Variants in CCT5 observed in about 807,000 individuals in gnomAD.
The protein encoded by CCT5 is chaperonin containing TCP1 subunit 5.
CCT5 carries 6 observed loss-of-function variants against 55.0 expected under a neutral mutation model. The observed-to-expected ratio is 0.11, with a 90% CI of 0.06 to 0.22. CCT5 has a LOEUF of 0.22. Among genes scored for constraint, CCT5 ranks in the 10% least tolerant of loss-of-function variants. The probability of loss-of-function intolerance (pLI) is 1.00; values close to 1 mark genes in which losing one functional copy is unlikely to be tolerated. For missense variants in CCT5, 560 were observed against 694.6 expected, an observed-to-expected ratio of 0.81 and a Z score of 2.18; for synonymous variants, 231 against 243.7, an observed-to-expected ratio of 0.95 and a Z score of 0.49.
intron 7 of CCT5, 197 bp downstream of exon 7, chr5:10,261,108 T>C: frequency 3.0e-6 from 2 of 667,392 alleles, no homozygotes; most frequent in Non-Finnish European, 5.4e-6. Flanking sequence ...TGGTGTTCCC[T>C]GGCATTTTGA....
chr5:10,256,146 T>C lies in CCT5; in HGVS notation c.523T>C (p.Ser175Pro). 6.2e-7 allele frequency: 1 copy of C among 1,612,966 alleles called. No individual in the cohort carries two copies. The highest frequency in any genetic ancestry group is 8.5e-7 in the Non-Finnish European group (1 of 1,179,628). Residue 175 changes from serine to proline, a missense_variant, in exon 4 of 11, where the codon TCC (serine) becomes CCC (proline). By Grantham distance (74) the Ser-to-Pro change is moderately conservative. Around this residue, in one of 4 missense-constraint regions of CCT5, gnomAD observed 256 missense variants for 372.4 expected, o/e 0.69. Transcript: ENST00000280326. ...LIQTAKTTLG[S>P]KVVNSCHRQM... is the part of the protein sequence containing the mutation. The stretch of plus-strand genomic sequence containing the variant: ...TCAGACAGCAAAAACCACGCTGGGC[T>C]CCAAAGTGTACGTTTCAGTAGATGA...
chr5:10,253,095 G>A (rs1319804537), intron 1 of CCT5, among the ~76,000 whole-genome samples: 1 of 152,198 alleles, frequency 6.6e-6, no homozygotes, highest in African/African-American at 2.4e-5. Context: ...GGCAGCCAAG[G>A]CAGGTGGATC....
Position 10,264,774 on chromosome 5 carries a change from TGAA to T in CCT5, c.1621_1623del (p.Glu541del). On this transcript the variant is annotated inframe_deletion, in exon 11 of 11. Coordinates refer to ENST00000280326, the MANE Select transcript of CCT5 (RefSeq NM_012073.5). Reference sequence around the variant, plus strand: ...ATGACATTCGTAAGCCTGGAGAATCTGAAGAATGAAGACATTGAGAAAACTATG... The same window carrying T: ...ATGACATTCGTAAGCCTGGAGAATCTGAATGAAGACATTGAGAAAACTATG... 1.9e-6 allele frequency: 3 copies of T among 1,610,724 alleles called. No individual in the cohort carries two copies. In the South Asian group the frequency reaches 3.3e-5, roughly 18 times the overall value.
At chr5:10,252,908 C>A (rs1181192466) in intron 1 of CCT5, among the ~76,000 whole-genome samples, 1 of 151,798 alleles carries the variant, frequency 6.6e-6, no homozygotes, top group African/African-American at 2.4e-5. Flanking sequence ...TTCTTTCTGC[C>A]TCTTGCTTTC....
At position 10,265,185 on chromosome 5, in the gene CCT5, C is replaced by T. The variant is rs910866970; in HGVS notation, c.*402C>T. 17 of 217,194 alleles carry T rather than the reference C, an allele frequency of 7.8e-5. No homozygotes were observed. The highest frequency in any genetic ancestry group is 3.8e-4 in the African/African-American group (16 of 42,356). 13.5% of individuals were successfully genotyped at this position (217,194 alleles called of 1,614,324 possible). On this transcript the variant is annotated 3_prime_UTR_variant, in exon 11 of 11. Coordinates refer to ENST00000280326, the MANE Select transcript of CCT5 (RefSeq NM_012073.5). ...ACTTTCATATTGAGAGGAATATGGG[C>T]TTGATCCTCTTCCTATCTAAATGGG...
In CCT5 at chr5:10,265,590, A is replaced by C. The variant is rs919630812; in HGVS notation, c.*807A>C. On this transcript the variant is annotated 3_prime_UTR_variant, in exon 11 of 11. Transcript: ENST00000280326. ...ATTAACTAGCTAACAGTGATGGGCC[A>C]AGACGCTCCGAGAACTCTACCGGGA... 6.6e-6 allele frequency: 1 copy of C among 152,218 alleles called. No homozygotes were observed. Among genetic ancestry groups the C allele is most frequent in the African/African-American group, 2.4e-5 (1 of 41,446 alleles). The allele number at this position is 152,218 out of a possible 1,614,324, so 9.4% of individuals were successfully genotyped here.
chr5:10,262,693 G>A (rs1483011812), intron 9 of CCT5, 75 bp downstream of exon 9: 22 of 1,524,262 alleles, frequency 1.4e-5, no homozygotes, highest in African/African-American at 8.2e-5. Context: ...GCGGAACAGC[G>A]AGGTGCTGGA....
intron 6 of CCT5, among the ~76,000 whole-genome samples, chr5:10,259,593 G>A (rs1166121082): frequency 6.6e-6 from 1 of 152,228 alleles, no homozygotes; most frequent in Non-Finnish European, 1.5e-5. Flanking sequence ...CCAACATAGG[G>A]TGAGAGCAGT....
chr5:10,255,121 G>A (rs1349020384), intron 3 of CCT5: 1 of 429,684 alleles, frequency 2.3e-6, no homozygotes, highest in Non-Finnish European at 4.4e-6. Flanking sequence ...GGGAAACGTG[G>A]AAGAATTTGA....
In CCT5 at chr5:10,262,524, T is replaced by A. The variant is rs1349631169; in HGVS notation, c.1223T>A (p.Val408Asp). Residue 408 changes from valine to aspartate, a missense_variant, in exon 9 of 11, where the codon GTC becomes GAC. By Grantham distance (152) the Val-to-Asp change is radical. Around this residue, in one of 4 missense-constraint regions of CCT5, gnomAD observed 256 missense variants for 372.4 expected, o/e 0.69. Transcript: ENST00000280326. ...CGATCCCTTCACGATGCTTTGTGTG[T>A]CATCCGGAACCTCATCCGCGATAAT... ...AKRSLHDALC[V>D]IRNLIRDNRV... 2 of 1,614,118 alleles carry A rather than the reference T, an allele frequency of 1.2e-6. No individual in the cohort carries two copies. Among genetic ancestry groups the A allele is most frequent in the East Asian group, 4.5e-5 (2 of 44,904 alleles).
At chr5:10,262,416 A>G in intron 8 of CCT5, 65 bp from the exon 9 acceptor site, 4 of 1,579,234 alleles carry the variant, frequency 2.5e-6, no homozygotes, top group Non-Finnish European at 3.5e-6. Flanking sequence ...AAAAGGTGCC[A>G]GATACTTGGC....
At position 10,264,637 on chromosome 5, in the gene CCT5, G is replaced by C; in HGVS notation, c.1499-19G>C. The C allele has an allele frequency of 6.7e-7, 1 of 1,500,612 alleles. No homozygotes were observed. The highest frequency in any genetic ancestry group is 9.3e-7 in the Non-Finnish European group (1 of 1,076,908). 93.0% of individuals were successfully genotyped at this position (1,500,612 alleles called of 1,614,324 possible). On this transcript the variant is annotated intron_variant, in intron 10 of 10. Coordinates refer to ENST00000280326, the MANE Select transcript of CCT5 (RefSeq NM_012073.5). ...ATTGTATGCTATTTTAGGATAATCA[G>C]TGTCCTTGTATTTTTCAGATATGAA... is the stretch of plus-strand genomic sequence containing the variant.
intron 2 of CCT5, 182 bp downstream of exon 2, chr5:10,254,387 C>A: frequency 5.3e-6 from 3 of 565,696 alleles, no homozygotes; most frequent in Non-Finnish European, 3.1e-6. Context: ...AATATTAGGT[C>A]GGACCTTTTT....
At chr5:10,261,996 C>G (rs1290646416) in intron 8 of CCT5, 55 of 474,670 alleles carry the variant, frequency 1.2e-4, no homozygotes, top group Non-Finnish European at 1.8e-4. Flanking sequence ...TTTTTAAATA[C>G]TTAAACACAG....
At chr5:10,261,234 A>G (rs113325787) in intron 7 of CCT5, 7,395 of 491,206 alleles carry the variant, frequency 0.015, 408 homozygotes, top group African/African-American at 0.12. Context: ...GGTGGTTCTC[A>G]CTGCAGCGCA....
At chr5:10,258,011 T>G in intron 4 of CCT5, 100 bp from the exon 5 acceptor site, 1 of 1,250,568 alleles carries the variant, frequency 8.0e-7, no homozygotes, top group Non-Finnish European at 1.2e-6. Flanking sequence ...ACTCAAAACA[T>G]CGTTTGATTT....
Position 10,254,694 on chromosome 5 carries a change from G to C in CCT5, c.187G>C (p.Asp63His). The C allele has an allele frequency of 6.2e-7, 1 of 1,613,868 alleles. No individual in the cohort carries two copies. The highest frequency in any genetic ancestry group is 2.2e-5 in the East Asian group (1 of 44,886). ...TTTAGGGCTTGATAAGATGATGGTG[G>C]ATAAGGATGGAGATGTGACTGTAAC... ...GPNGLDKMMV[D>H]KDGDVTVTND... The change falls in exon 3 of 11, where the codon GAT becomes CAT. Residue 63 changes from aspartate (D) to histidine (H), a missense_variant. Physicochemically the swap from Asp to His is moderately conservative, Grantham distance 81 (BLOSUM62 -1). Around this residue, in one of 4 missense-constraint regions of CCT5, gnomAD observed 137 missense variants for 181.9 expected, o/e 0.75. Transcript: ENST00000280326.
intron 6 of CCT5, among the ~76,000 whole-genome samples, chr5:10,259,310 G>A (rs573770616): frequency 1.3e-5 from 2 of 152,336 alleles, no homozygotes; most frequent in South Asian, 4.1e-4. Flanking sequence ...GAAAACACCA[G>A]TACTCAAGAA....
At chr5:10,250,067 A>T (rs1561040240), upstream of CCT5, 3 of 1,539,592 alleles carry the variant, frequency 1.9e-6, no homozygotes, top group Non-Finnish European at 2.6e-6. Context: ...AAAAATGACA[A>T]ATTCAATCTG....
Sources: allele counts gnomAD v4.1 joint callset (sites outside exome capture counted in the v4.1 genomes callset), GRCh38; gene constraint gnomAD v4.1.1; regional missense constraint gnomAD v4.1.1; transcripts MANE v1.5; gene names NCBI Gene and HGNC (gene_info 2026-07-23, HGNC 2026-07-21).